The following TRPV6 variants were observed in gnomAD, a reference collection of about 807,000 sequenced individuals.
TRPV6 encodes Alu-binding protein with zinc finger domain.
A neutral mutation model predicts 79.0 loss-of-function variants in TRPV6; 39 were observed. That is an observed-to-expected ratio of 0.49 (90% CI 0.38 to 0.64). The LOEUF (loss-of-function observed/expected upper bound fraction) is 0.64. Among genes scored for constraint, TRPV6 ranks in the 30% least tolerant of loss-of-function variants. The pLI is 0.00. For missense variants in TRPV6, 813 were observed against 1,011.1 expected, an observed-to-expected ratio of 0.80 and a Z score of 2.66; for synonymous variants, 373 against 391.9, an observed-to-expected ratio of 0.95 and a Z score of 0.57.
chr7:142,872,489 G>C lies in TRPV6; in HGVS notation c.1909-11C>G. 6.2e-7 allele frequency: 1 copy of C among 1,608,784 alleles called. No homozygotes were observed. Among genetic ancestry groups the C allele is most frequent in the Non-Finnish European group, 8.5e-7 (1 of 1,177,476 alleles). The stretch of plus-strand genomic sequence containing the variant: ...TGTGGTGGCCACAATCTGCGTATGG[G>C]AACAAAAGGAGAAGTCAGAGATGAG... On this transcript the variant is annotated splice_polypyrimidine_tract_variant and intron_variant, in intron 13 of 14. Coordinates refer to ENST00000359396, the MANE Select transcript of TRPV6 (RefSeq NM_018646.6).
chr7:142,875,704 G>A (rs376090477), intron 7 of TRPV6, 24 bp from the exon 8 acceptor site: 1 of 1,604,868 alleles, frequency 6.2e-7, no homozygotes, highest in East Asian at 2.2e-5. Flanking sequence ...AGAACAGGTG[G>A]CTCAGAGACC....
chr7:142,877,001 A>G, intron 4 of TRPV6, 141 bp downstream of exon 4: 1 of 1,439,624 alleles, frequency 6.9e-7, no homozygotes, highest in Non-Finnish European at 9.3e-7. Flanking sequence ...ATTGGCCTCT[A>G]GTCTAATTAA....
At chr7:142,876,713 G>T in intron 5 of TRPV6, 26 bp downstream of exon 5, 1 of 1,613,892 alleles carries the variant, frequency 6.2e-7, no homozygotes, top group Non-Finnish European at 8.5e-7. Context: ...CAGCATCCCA[G>T]CTCCCCTCCC....
chr7:142,872,640 C>T (rs1029084751), intron 13 of TRPV6, among the ~76,000 whole-genome samples, 162 bp from the exon 14 acceptor site: 2 of 152,128 alleles, frequency 1.3e-5, no homozygotes, highest in African/African-American at 2.4e-5. Flanking sequence ...GCAGCCAGGC[C>T]AGAGGCAGGA....
chr7:142,876,066 C>T lies in TRPV6; in HGVS notation c.883-162G>A, dbSNP rs542591159. 5 of 769,750 alleles carry T rather than the reference C, an allele frequency of 6.5e-6. No homozygotes were observed. The East Asian group carries it at 1.3e-4, about 21-fold the overall frequency. 47.7% of individuals were successfully genotyped at this position (769,750 alleles called of 1,614,324 possible). On this transcript the variant is annotated intron_variant, in intron 6 of 14. Transcript: ENST00000359396. The stretch of plus-strand genomic sequence containing the variant: ...GCAGAAGAACCCACATTCACAGTGA[C>T]ATTCATAGGTTCCTCATCCTCTCCC...
At chr7:142,877,529 G>A (rs1011700605) in intron 3 of TRPV6, 122 bp downstream of exon 3, 1 of 1,501,376 alleles carries the variant, frequency 6.7e-7, no homozygotes, top group Non-Finnish European at 8.9e-7. Flanking sequence ...AGACAGAGAA[G>A]AGAAAAAAAG....
At chr7:142,878,167 T>A in intron 1 of TRPV6, 141 bp from the exon 2 acceptor site, 1 of 670,548 alleles carries the variant, frequency 1.5e-6, no homozygotes, top group Non-Finnish European at 2.7e-6. Context: ...TCAAGGCAGG[T>A]GGGGCCATTG....
chr7:142,882,371 C>T (rs567810686), intron 1 of TRPV6: 1 of 152,160 alleles, frequency 6.6e-6, no homozygotes, highest in Non-Finnish European at 1.5e-5. Context: ...GCGGCATAAC[C>T]AAATCATTGC....
rs1005224130 is a variant in TRPV6 at position 142,875,144 on chromosome 7, C to T, written c.1263G>A (p.Lys421=). 4 of 1,613,920 alleles carry T rather than the reference C, an allele frequency of 2.5e-6. No individual in the cohort carries two copies. The African/African-American group carries it at 4.0e-5, about 16-fold the overall frequency. ...GCTCCCCGACCAGCCGGATATCGTC[C>T]TTAGGGGTCATGTAGGCTTCCTAAT... Residue 421 remains lysine (K), a synonymous_variant, in exon 9 of 15, where the codon AAG becomes AAA. Coordinates refer to ENST00000359396, the MANE Select transcript of TRPV6 (RefSeq NM_018646.6).
intron 13 of TRPV6, among the ~76,000 whole-genome samples, chr7:142,872,932 T>A (rs552874114): frequency 8.1e-4 from 124 of 152,368 alleles, no homozygotes; most frequent in Middle Eastern, 3.4e-3. Context: ...ATGATTTTTT[T>A]AGATAAATTA....
At chr7:142,881,700 T>C (rs1390674872) in intron 1 of TRPV6, 1 of 152,240 alleles carries the variant, frequency 6.6e-6, no homozygotes, top group Non-Finnish European at 1.5e-5. Context: ...ACTAAGGGGT[T>C]CCTGGCACAA....
chr7:142,871,335 C>T lies in TRPV6; in HGVS notation c.*372G>A, dbSNP rs1171471203. Reference sequence around the variant, plus strand: ...AAGCTCTGCACTTCCCTGCACCTGCCTGGGTGCCCTGGGAAGGGCTCTCTC... The same window carrying T: ...AAGCTCTGCACTTCCCTGCACCTGCTTGGGTGCCCTGGGAAGGGCTCTCTC... On this transcript the variant is annotated 3_prime_UTR_variant, in exon 15 of 15. Coordinates refer to ENST00000359396, the MANE Select transcript of TRPV6 (RefSeq NM_018646.6). 1.8e-5 allele frequency: 8 copies of T among 449,074 alleles called. No homozygotes were observed. Among genetic ancestry groups the T allele is most frequent in the Non-Finnish European group, 3.3e-5 (8 of 245,172 alleles). The allele number at this position is 449,074 out of a possible 1,614,324, so 27.8% of individuals were successfully genotyped here.
chr7:142,882,266 A>C (rs745557276), intron 1 of TRPV6: 2 of 152,214 alleles, frequency 1.3e-5, no homozygotes, highest in Non-Finnish European at 2.9e-5. Flanking sequence ...GGCCCCTCTC[A>C]TTCCCGCAGC....
rs1396789966 is a variant in TRPV6, at chr7:142,873,363, G to A, written c.1908+85C>T. 5 of 1,552,486 alleles carry A rather than the reference G, an allele frequency of 3.2e-6. No individual in the cohort carries two copies. Among genetic ancestry groups the A allele is most frequent in the Non-Finnish European group, 4.4e-6 (5 of 1,141,754 alleles). On this transcript the variant is annotated intron_variant, in intron 13 of 14. Transcript: ENST00000359396. The surrounding 1 kb of genome is among the most constrained non-coding windows in gnomAD (Gnocchi z 4.8). ...CAACTGTCCAAACATAAGTGGGGTG[G>A]AGATATCCTGTCTCTCAGCTTGGCA...
rs1036490648 is a variant in TRPV6 at position 142,875,975 on chromosome 7, T to C, written c.883-71A>G. Reference sequence around the variant, plus strand: ...GGTCACAGAGTGTGGATAGGATGCATGTGCAGGAGGACGGCACCCCTGGAG... The same window carrying C: ...GGTCACAGAGTGTGGATAGGATGCACGTGCAGGAGGACGGCACCCCTGGAG... On this transcript the variant is annotated intron_variant, in intron 6 of 14. Transcript: ENST00000359396. The C allele has an allele frequency of 6.7e-6, 10 of 1,493,514 alleles. No homozygotes were observed. The South Asian group carries it at 1.1e-4, about 17-fold the overall frequency. The allele number at this position is 1,493,514 out of a possible 1,614,324, so 92.5% of individuals were successfully genotyped here. A position where few individuals can be genotyped will look rare whatever the true frequency, so the allele number is the denominator to read the frequency against.
Position 142,875,498 on chromosome 7 carries a change from G to A in TRPV6, c.1212C>T (p.Asp404=). 6.3e-7 allele frequency: 1 copy of A among 1,599,132 alleles called. No homozygotes were observed. The highest frequency in any genetic ancestry group is 8.5e-7 in the Non-Finnish European group (1 of 1,174,096). ...GTAGCTTCTGCTGTAAGAGGGTGTT[G>A]TCCCGGGGGCTCGTGCGGTTATTGG... Residue 404 remains aspartate, a synonymous_variant, in exon 8 of 15, where the codon GAC becomes GAT. Coordinates refer to ENST00000359396, the MANE Select transcript of TRPV6 (RefSeq NM_018646.6).
At position 142,873,740 on chromosome 7, in the gene TRPV6, G is replaced by A. The variant is rs1313669071; in HGVS notation, c.1640-24C>T. The A allele has an allele frequency of 2.2e-5, 35 of 1,610,416 alleles. No individual in the cohort carries two copies. Among genetic ancestry groups the A allele is most frequent in the Non-Finnish European group, 3.0e-5 (35 of 1,177,004 alleles). On this transcript the variant is annotated intron_variant, in intron 12 of 14. Coordinates refer to ENST00000359396, the MANE Select transcript of TRPV6 (RefSeq NM_018646.6). The surrounding 1 kb of genome is among the most constrained non-coding windows in gnomAD (Gnocchi z 4.8). Reference sequence around the variant, plus strand: ...GGCTGCTCCACCCAAGGGGGTGAGGGTTACCATGGCAACCATGCAGACGAC... The same window carrying A: ...GGCTGCTCCACCCAAGGGGGTGAGGATTACCATGGCAACCATGCAGACGAC...
At chr7:142,880,670 C>T (rs1323074209) in intron 1 of TRPV6, 1 of 152,184 alleles carries the variant, frequency 6.6e-6, no homozygotes, top group Admixed American at 6.5e-5. Context: ...CCATAAACCT[C>T]CATTCCCTAT....
At chr7:142,878,215 T>C (rs1160827740) in intron 1 of TRPV6, 189 bp from the exon 2 acceptor site, 1 of 602,456 alleles carries the variant, frequency 1.7e-6, no homozygotes, top group Non-Finnish European at 3.0e-6. Flanking sequence ...TACAATCAAC[T>C]TTTTGCCCAT....
Sources: allele counts gnomAD v4.1 joint callset (sites outside exome capture counted in the v4.1 genomes callset), GRCh38; gene constraint gnomAD v4.1.1; non-coding constraint Gnocchi (gnomAD v3.1); transcripts MANE v1.5; gene names NCBI Gene and HGNC (gene_info 2026-07-23, HGNC 2026-07-21).